ACAD10: variants seen among roughly 807,000 people sequenced by gnomAD.
The protein encoded by ACAD10 is ACAD-10.
In ACAD10, 112 loss-of-function variants were observed where a neutral mutation model predicts 116.8. The ratio of observed to expected loss-of-function variants is 0.96; its 90% CI spans 0.82 to 1.12. ACAD10 has a LOEUF of 1.12. Ranked by LOEUF, ACAD10 falls within the 50% of genes most tolerant of loss-of-function variation. ACAD10 has a pLI of 0.00. For missense variants in ACAD10, 1,259 were observed against 1,350.2 expected (o/e 0.93, Z 1.06); for synonymous variants, 486 against 510.6 (o/e 0.95, Z 0.65).
At chr12:111,732,929 T>G (rs943096664) in intron 10 of ACAD10, among the ~76,000 whole-genome samples, 22 of 152,338 alleles carry the variant, frequency 1.4e-4, no homozygotes, top group African/African-American at 4.8e-4. Context: ...ACAGCTTATT[T>G]CAAAGTAGGG....
At chr12:111,753,534 C>G (rs1356957374) in intron 18 of ACAD10, 2 of 701,060 alleles carry the variant, frequency 2.9e-6, no homozygotes, top group Admixed American at 2.0e-5. Flanking sequence ...TTACAGGCAC[C>G]CTGTGGGCTG....
intron 4 of ACAD10, 141 bp downstream of exon 4, chr12:111,706,073 A>T (rs772891580): frequency 1.5e-5 from 13 of 846,254 alleles, no homozygotes; most frequent in Admixed American, 1.4e-4. Context: ...TTTAAATGCA[A>T]TATGTTGAAA....
At chr12:111,701,072 A>G (rs1343380156) in intron 2 of ACAD10, among the ~76,000 whole-genome samples, 1 of 152,090 alleles carries the variant, frequency 6.6e-6, no homozygotes, top group African/African-American at 2.4e-5. Context: ...TTTCTTTTGC[A>G]TAGTTTTCTA....
In ACAD10 at chr12:111,722,060, G is replaced by A. The variant is rs372140239; in HGVS notation, c.1061+321G>A. ...CTGTTTTGTTTTGTTTTTTTGAGAC[G>A]GAGTCTCATTCTGTCACCCAGACTG... On this transcript the variant is annotated intron_variant, in intron 8 of 20. Transcript: ENST00000313698. The A allele has an allele frequency of 3.0e-4, 51 of 171,762 alleles. 1 individual carries two copies. The East Asian group carries it at 5.7e-3, about 19-fold the overall frequency. The allele number at this position is 171,762 out of a possible 1,614,324, so 10.6% of individuals were successfully genotyped here. A position where few individuals can be genotyped will look rare whatever the true frequency, so the allele number is the denominator to read the frequency against.
Position 111,746,301 on chromosome 12 carries a change from T to C in ACAD10, c.2256+17T>C. On this transcript the variant is annotated intron_variant, in intron 14 of 20. Coordinates refer to ENST00000313698, the MANE Select transcript of ACAD10 (RefSeq NM_025247.6). ...GCCCCCGAGGTACCTTCTTTAAAGT[T>C]TTCCTCAGTGTGTGGGAACATCCTG... 1 of 1,607,290 alleles carries C rather than the reference T, an allele frequency of 6.2e-7. No individual in the cohort carries two copies.
rs766744060 is a variant in ACAD10, at chr12:111,748,445, C to G, written c.2614C>G (p.Leu872Val). The change falls in exon 17 of 21, where the codon CTG (leucine) becomes GTG (valine). Residue 872 changes from leucine (L) to valine (V), a missense_variant. Transcript: ENST00000313698. ...DTPGIKIIRP[L>V]TVYGLEDAPG... is the part of the protein sequence containing the mutation. ...CCCAGGGATAAAAATCATCCGGCCT[C>G]TGACGGTGTATGGACTGGAAGATGC... The G allele has an allele frequency of 6.2e-7, 1 of 1,613,860 alleles. No homozygotes were observed.
At position 111,729,807 on chromosome 12, in the gene ACAD10, G is replaced by C; in HGVS notation, c.1245G>C (p.Gly415=). 1 of 1,613,048 alleles carries C rather than the reference G, an allele frequency of 6.2e-7. No homozygotes were observed. The highest frequency in any genetic ancestry group is 8.5e-7 in the Non-Finnish European group (1 of 1,179,338). Residue 415 remains glycine, a splice_region_variant and synonymous_variant, in exon 10 of 21, where the codon GGG becomes GGC. Transcript: ENST00000313698. ...AVGLEDYGKQ[G]DYIPRQVRTW... ...AAGTTCTAATCCTATTTCCCGCAGG[G>C]GACTATATTCCACGCCAGGTACGAA... is the stretch of plus-strand genomic sequence containing the variant.
intron 6 of ACAD10, 150 bp from the exon 7 acceptor site, chr12:111,715,671 T>G (rs1888821585): frequency 9.8e-7 from 1 of 1,021,114 alleles, no homozygotes; most frequent in Non-Finnish European, 1.4e-6. Context: ...CAGTCACTCC[T>G]AGTAGGCAGA....
In ACAD10 at chr12:111,705,760, A is replaced by G; in HGVS notation, c.359A>G (p.Asp120Gly). Reference sequence around the variant, plus strand: ...TAGTTAAAGACCTCCGTGCCTGTGGACTCATTTTTCTCTCTGTTGACCAGT... The same window carrying G: ...TAGTTAAAGACCTCCGTGCCTGTGGGCTCATTTTTCTCTCTGTTGACCAGT... Reference protein sequence around the residue: ...SEMLKTSVPVDSFFSLLTSER... With the variant: ...SEMLKTSVPVGSFFSLLTSER... The change falls in exon 4 of 21, where the codon GAC (aspartate) becomes GGC (glycine). Residue 120 changes from aspartate to glycine, a missense_variant. Asp to Gly is a moderately conservative substitution (Grantham distance 94, BLOSUM62 -1). Coordinates refer to ENST00000313698, the MANE Select transcript of ACAD10 (RefSeq NM_025247.6). 6.2e-7 allele frequency: 1 copy of G among 1,613,708 alleles called. No individual in the cohort carries two copies. The highest frequency in any genetic ancestry group is 8.5e-7 in the Non-Finnish European group (1 of 1,179,940).
chr12:111,741,989 A>G (rs1237085773), intron 12 of ACAD10, among the ~76,000 whole-genome samples: 3 of 152,216 alleles, frequency 2.0e-5, no homozygotes, highest in African/African-American at 4.8e-5. Context: ...TGCCCAGCCC[A>G]TGTGTCCTTC....
chr12:111,733,935 G>GAAAA lies in ACAD10; in HGVS notation c.1407_1408insAAAA (p.Val470LysfsTer15), dbSNP rs1342753791. On this transcript the variant is annotated frameshift_variant, in exon 11 of 21. Transcript: ENST00000313698. LOFTEE classifies it high-confidence loss of function. ...TGCGACTTTTCAGGCTCGACAACCTGGTGTTTCATCCAGAAGAGCCAGAGG... is the reference window on the plus strand; with the variant it reads ...TGCGACTTTTCAGGCTCGACAACCTGAAAAGTGTTTCATCCAGAAGAGCCAGAGG... 5.0e-6 allele frequency: 8 copies of GAAAA among 1,614,196 alleles called. No homozygotes were observed. Among genetic ancestry groups the GAAAA allele is most frequent in the African/African-American group, 1.3e-5 (1 of 75,054 alleles).
chr12:111,710,389 C>G (rs1259721820), intron 5 of ACAD10: 1 of 381,350 alleles, frequency 2.6e-6, no homozygotes, highest in South Asian at 1.9e-5. Context: ...TGCCTGGCTT[C>G]TATTCTTCTA....
Position 111,729,900 on chromosome 12 carries a change from G to T in ACAD10, c.1338G>T (p.Trp446Cys), listed in dbSNP as rs753148624. ...TIPAMERLIE[W>C]LPLHLPRQQR... ...CAGCCATGGAGAGGCTGATCGAATGGCTGCCCCTCCATCTTCCCCGTCAGC... is the reference window on the plus strand; with the variant it reads ...CAGCCATGGAGAGGCTGATCGAATGTCTGCCCCTCCATCTTCCCCGTCAGC... Residue 446 changes from tryptophan to cysteine, a missense_variant, in exon 10 of 21, where the codon TGG (tryptophan) becomes TGT (cysteine). Transcript: ENST00000313698. The T allele has an allele frequency of 3.1e-6, 5 of 1,614,162 alleles. No homozygotes were observed. The highest frequency in any genetic ancestry group is 4.2e-6 in the Non-Finnish European group (5 of 1,180,030).
chr12:111,718,716 T>C (rs1888923150), intron 7 of ACAD10, among the ~76,000 whole-genome samples: 1 of 151,872 alleles, frequency 6.6e-6, no homozygotes, highest in Non-Finnish European at 1.5e-5. Flanking sequence ...TGACCTCGGG[T>C]GATCCGCCTG....
At chr12:111,744,526 ACTTAGCAAGTG>A (rs2135987669) in intron 12 of ACAD10, 106 bp from the exon 13 acceptor site, 1 of 1,274,400 alleles carries the variant, frequency 7.8e-7, no homozygotes, top group East Asian at 2.3e-5. Flanking sequence ...AGTGTTTGGT[ACTTAGCAAGTG>A]CTCAGCAAAT....
intron 7 of ACAD10, among the ~76,000 whole-genome samples, chr12:111,718,597 A>G (rs1888918840): frequency 6.6e-6 from 1 of 152,022 alleles, no homozygotes; most frequent in African/African-American, 2.4e-5. Flanking sequence ...CTCCTGTCTC[A>G]GCCTCCTGAG....
At chr12:111,756,168 GC>G in intron 20 of ACAD10, 164 bp from the exon 21 acceptor site, 14 of 1,427,192 alleles carry the variant, frequency 9.8e-6, no homozygotes, top group Non-Finnish European at 1.3e-5. Flanking sequence ...GGCAGGTGTG[GC>G]CCCATGGAAG....
chr12:111,752,479 G>C (rs544845246), intron 18 of ACAD10, among the ~76,000 whole-genome samples: 13 of 151,618 alleles, frequency 8.6e-5, no homozygotes, highest in African/African-American at 2.9e-4. Context: ...GTGGTGGCAG[G>C]CACCTGTAAT....
chr12:111,708,613 G>A (rs1322344764), intron 4 of ACAD10, among the ~76,000 whole-genome samples: 1 of 152,134 alleles, frequency 6.6e-6, no homozygotes, highest in African/African-American at 2.4e-5. Context: ...GGGCCACTGG[G>A]TTTGTCCTTG....
Sources: allele counts gnomAD v4.1 joint callset (sites outside exome capture counted in the v4.1 genomes callset), GRCh38; gene constraint gnomAD v4.1.1; transcripts MANE v1.5; gene names NCBI Gene and HGNC (gene_info 2026-07-23, HGNC 2026-07-21).